OSMR: variants seen among roughly 807,000 people sequenced by gnomAD.
The protein encoded by OSMR is oncostatin M receptor.
In OSMR, 81 loss-of-function variants were observed where a neutral mutation model predicts 99.9. The observed-to-expected ratio is 0.81, with a 90% CI of 0.68 to 0.97. The LOEUF (loss-of-function observed/expected upper bound fraction) is 0.97, where lower values mean the gene tolerates loss of function less well. OSMR is among the 50% of genes least tolerant of loss of function. The pLI is 0.00. For missense variants in OSMR, 1,099 were observed against 1,153.4 expected, an observed-to-expected ratio of 0.95 and a Z score of 0.68; for synonymous variants, 406 against 410.4, an observed-to-expected ratio of 0.99 and a Z score of 0.13.
At chr5:38,874,524 A>G (rs1409111752) in intron 2 of OSMR, among the ~76,000 whole-genome samples, 1 of 152,222 alleles carries the variant, frequency 6.6e-6, no homozygotes, top group African/African-American at 2.4e-5. Context: ...TATGTGGACC[A>G]ATCACAAGAA....
intron 7 of OSMR, among the ~76,000 whole-genome samples, chr5:38,896,319 C>CT (rs1177811571): frequency 6.6e-6 from 1 of 151,906 alleles, no homozygotes; most frequent in African/African-American, 2.4e-5. Context: ...TCTTCAATTT[C>CT]TTTTATCAAT....
At chr5:38,901,331 G>T (rs1252454958) in intron 7 of OSMR, among the ~76,000 whole-genome samples, 2 of 152,166 alleles carry the variant, frequency 1.3e-5, no homozygotes, top group Admixed American at 1.3e-4. Flanking sequence ...GTCACTTTTG[G>T]TTAGCTAGCC....
intron 7 of OSMR, among the ~76,000 whole-genome samples, chr5:38,888,203 A>G (rs1579713949): frequency 2.0e-5 from 3 of 152,188 alleles, no homozygotes; most frequent in African/African-American, 7.2e-5. Flanking sequence ...CAGGCATGTC[A>G]TTCACATAGC....
intron 9 of OSMR, among the ~76,000 whole-genome samples, chr5:38,911,859 A>G (rs1242826457): frequency 4.6e-5 from 7 of 152,208 alleles, no homozygotes; most frequent in Non-Finnish European, 8.8e-5. Flanking sequence ...ATGAAATTCA[A>G]TATCCATTCA....
chr5:38,850,488 G>A (rs974254335), intron 1 of OSMR, among the ~76,000 whole-genome samples: 9 of 152,182 alleles, frequency 5.9e-5, no homozygotes, highest in Non-Finnish European at 1.3e-4. Context: ...TAGATCTAGA[G>A]TCATTGAGGC....
intron 7 of OSMR, among the ~76,000 whole-genome samples, chr5:38,887,376 G>C (rs562002154): frequency 6.6e-6 from 1 of 152,114 alleles, no homozygotes; most frequent in East Asian, 1.9e-4. Context: ...ATCCATCTGG[G>C]ATTGATTTTT....
chr5:38,882,052 CA>C (rs1743330903), intron 4 of OSMR, among the ~76,000 whole-genome samples: 1 of 152,082 alleles, frequency 6.6e-6, no homozygotes, highest in Admixed American at 6.6e-5. Flanking sequence ...GCTAAGTGAA[CA>C]AAGCAAGACA....
chr5:38,904,946 T>G (rs528658832), intron 9 of OSMR, among the ~76,000 whole-genome samples: 2 of 152,214 alleles, frequency 1.3e-5, no homozygotes, highest in African/African-American at 2.4e-5. Context: ...GTTCCGGTGA[T>G]GCCACACTGT....
chr5:38,918,411 C>T (rs1354659963), intron 10 of OSMR, among the ~76,000 whole-genome samples: 1 of 152,114 alleles, frequency 6.6e-6, no homozygotes, highest in Non-Finnish European at 1.5e-5. Flanking sequence ...CAGCTAATCC[C>T]TGTACGGCTG....
At chr5:38,889,158 G>A (rs1743988795) in intron 7 of OSMR, among the ~76,000 whole-genome samples, 1 of 151,878 alleles carries the variant, frequency 6.6e-6, no homozygotes, top group Non-Finnish European at 1.5e-5. Context: ...CTAGGTTGAT[G>A]TGTTCAGTAA....
intron 7 of OSMR, among the ~76,000 whole-genome samples, chr5:38,890,753 A>G (rs1437833729): frequency 6.6e-6 from 1 of 152,222 alleles, no homozygotes; most frequent in Admixed American, 6.5e-5. Context: ...GAAAAAAGAG[A>G]TAAAGAAGTT....
At chr5:38,863,311 C>T (rs750140962) in intron 1 of OSMR, among the ~76,000 whole-genome samples, 8 of 151,302 alleles carry the variant, frequency 5.3e-5, no homozygotes, top group Admixed American at 2.6e-4. Context: ...GAGGCTGAGG[C>T]GGGCAGTTCA....
chr5:38,872,495 G>A (rs148327853), intron 2 of OSMR, among the ~76,000 whole-genome samples: 30 of 152,314 alleles, frequency 2.0e-4, no homozygotes, highest in African/African-American at 6.7e-4. Context: ...CTTACAGCAT[G>A]TTGCAATCAG....
intron 15 of OSMR, among the ~76,000 whole-genome samples, chr5:38,925,639 C>CA (rs1554055930): frequency 9.9e-5 from 15 of 152,192 alleles, no homozygotes; most frequent in Non-Finnish European, 1.9e-4. Flanking sequence ...GCCCTTGAGA[C>CA]AATTCTCTGG....
intron 2 of OSMR, among the ~76,000 whole-genome samples, chr5:38,875,119 G>C (rs535669887): frequency 1.3e-5 from 2 of 152,200 alleles, no homozygotes; most frequent in African/African-American, 4.8e-5. Flanking sequence ...AAAACTGAAT[G>C]CTTAAAAGAT....
At chr5:38,916,650 C>G (rs575918855) in intron 9 of OSMR, among the ~76,000 whole-genome samples, 1 of 152,206 alleles carries the variant, frequency 6.6e-6, no homozygotes, top group East Asian at 1.9e-4. Flanking sequence ...ATTTAAAGAC[C>G]TTTCCTTATG....
Position 38,925,240 on chromosome 5 carries a change from CG to C in OSMR, c.2083del (p.Glu695LysfsTer5), listed in dbSNP as rs777527472. ...TGTTGCAAATACAAAATTGACAACCCGGAAGAAAAGGCATTGATTGTGGACA... is the reference window on the plus strand; with the variant it reads ...TGTTGCAAATACAAAATTGACAACCCGAAGAAAAGGCATTGATTGTGGACA... Reference protein sequence around the residue: ...SECCKYKIDNPEEKALIVDNL... With the variant: ...SECCKYKIDNXEEKALIVDNL... On this transcript the variant is annotated frameshift_variant, in exon 15 of 18. Coordinates refer to ENST00000274276, the MANE Select transcript of OSMR (RefSeq NM_003999.3). LOFTEE classifies it high-confidence loss of function. 2 of 1,613,702 alleles carry C rather than the reference CG, an allele frequency of 1.2e-6. No individual in the cohort carries two copies. Among genetic ancestry groups the C allele is most frequent in the Non-Finnish European group, 1.7e-6 (2 of 1,179,932 alleles).
rs752352755 is a variant in OSMR, at chr5:38,903,969, A to G, written c.1079A>G (p.Asn360Ser). ...IMTWKVHSIRNNFTYLCQIEL... is the reference protein window; with the variant it reads ...IMTWKVHSIRSNFTYLCQIEL... ...ACCTGGAAGGTGCACTCCATAAGGA[A>G]TAATTTCACATATTTGTGTCAGATT... Residue 360 changes from asparagine to serine, a missense_variant, in exon 8 of 18, where the codon AAT becomes AGT. Physicochemically the swap from Asn to Ser is conservative, Grantham distance 46. Transcript: ENST00000274276. 3 of 1,614,082 alleles carry G rather than the reference A, an allele frequency of 1.9e-6. No homozygotes were observed. The highest frequency in any genetic ancestry group is 4.5e-5 in the East Asian group (2 of 44,856).
chr5:38,888,297 TG>T (rs1220359231), intron 7 of OSMR, among the ~76,000 whole-genome samples: 2 of 151,766 alleles, frequency 1.3e-5, no homozygotes, highest in Non-Finnish European at 2.9e-5. Context: ...TGGGGATATG[TG>T]GGGGCTGCCA....
Sources: gnomAD v4.1 joint callset for allele counts (sites outside exome capture counted in the v4.1 genomes callset) on GRCh38, gnomAD v4.1.1 for gene constraint, MANE v1.5 for transcripts, NCBI Gene and HGNC (gene_info 2026-07-23, HGNC 2026-07-21) for gene names.